Variants in NIPBL observed in about 807,000 individuals in gnomAD.
NIPBL encodes nipped-B-like protein.
NIPBL carries 19 observed loss-of-function variants against 321.8 expected under a neutral mutation model. The observed-to-expected ratio is 0.06, with a 90% CI of 0.04 to 0.09. The LOEUF (loss-of-function observed/expected upper bound fraction) is 0.09, where lower values mean the gene tolerates loss of function less well. Among genes scored for constraint, NIPBL ranks in the 10% least tolerant of loss-of-function variants. The pLI is 1.00. For synonymous variants in NIPBL, 1,106 were observed against 1,114.1 expected, an observed-to-expected ratio of 0.99 and a Z score of 0.14; for missense variants, 2,210 against 3,327.0, an observed-to-expected ratio of 0.66 and a Z score of 8.26.
intron 30 of NIPBL, 101 bp from the exon 31 acceptor site, chr5:37,026,128 T>C: frequency 2.9e-6 from 2 of 681,606 alleles, no homozygotes; most frequent in South Asian, 1.7e-5. Flanking sequence ...TGTGTTTTGA[T>C]TAGTTATTTA....
chr5:36,954,007 T>C (rs1403414210), intron 2 of NIPBL, among the ~76,000 whole-genome samples: 4 of 152,216 alleles, frequency 2.6e-5, no homozygotes, highest in African/African-American at 9.6e-5. Flanking sequence ...TATTTTACTC[T>C]AAGGACTTAA....
intron 1 of NIPBL, among the ~76,000 whole-genome samples, chr5:36,944,777 T>C (rs1739478358): frequency 6.6e-6 from 1 of 152,228 alleles, no homozygotes; most frequent in South Asian, 2.1e-4. Context: ...TTTTCTCACT[T>C]ATTTACATAA....
intron 1 of NIPBL, among the ~76,000 whole-genome samples, chr5:36,905,145 C>CA (rs943700012): frequency 2.6e-5 from 4 of 151,066 alleles, no homozygotes; most frequent in Non-Finnish European, 4.4e-5. Context: ...GTAAATTGGC[C>CA]AAAAAAAATT....
chr5:36,932,049 A>G lies in NIPBL; in HGVS notation c.-79-21569A>G, dbSNP rs555908197. ...TCTCTCATGATTTCTTCTTTGACCC[A>G]TTGATTTTCTCAGATTTCTTTCGGT... On this transcript the variant is annotated intron_variant, in intron 1 of 46. Coordinates refer to ENST00000282516, the MANE Select transcript of NIPBL (RefSeq NM_133433.4). 3.3e-5 allele frequency among the ~76,000 whole-genome samples: 5 copies of G among 152,148 alleles called. No individual in the cohort carries two copies. The South Asian group carries it at 1.0e-3, about 32-fold the overall frequency.
In NIPBL at chr5:36,938,754, GCTT is replaced by G. The variant is rs765312742; in HGVS notation, c.-79-14861_-79-14859del. ...AAGTATACAAGGAGGTCGTCACCCA[GCTT>G]CTCACAATAATACAATTTTACATAA... On this transcript the variant is annotated intron_variant, in intron 1 of 46. Coordinates refer to ENST00000282516, the MANE Select transcript of NIPBL (RefSeq NM_133433.4). 2.6e-5 allele frequency among the ~76,000 whole-genome samples: 4 copies of G among 152,236 alleles called. No homozygotes were observed. The South Asian group carries it at 8.3e-4, about 32-fold the overall frequency.
chr5:37,050,736 A>G (rs1173278992), intron 40 of NIPBL, among the ~76,000 whole-genome samples: 1 of 152,224 alleles, frequency 6.6e-6, no homozygotes, highest in African/African-American at 2.4e-5. Context: ...ATAATCATTA[A>G]ATTTGGGAAG....
intron 32 of NIPBL, among the ~76,000 whole-genome samples, chr5:37,031,270 G>A (rs1750989677): frequency 6.6e-6 from 1 of 152,172 alleles, no homozygotes; most frequent in Non-Finnish European, 1.5e-5. Flanking sequence ...ATAGGCGCAA[G>A]CCACCGTGCC....
At position 37,002,648 on chromosome 5, in the gene NIPBL, G is replaced by C. The variant is rs371007362; in HGVS notation, c.3665-14G>C. ...CCTAAACTTTGTTTGTGTTTGTTTG[G>C]CTTGATTTTGCAGGTGATGATGATG... On this transcript the variant is annotated splice_polypyrimidine_tract_variant and intron_variant, in intron 14 of 46. Coordinates refer to ENST00000282516, the MANE Select transcript of NIPBL (RefSeq NM_133433.4). 9 of 1,528,266 alleles carry C rather than the reference G, an allele frequency of 5.9e-6. No individual in the cohort carries two copies. In the African/African-American group the frequency reaches 1.2e-4, roughly 21 times the overall value. 94.7% of individuals were successfully genotyped at this position (1,528,266 alleles called of 1,614,324 possible).
rs1031417413 is a variant in NIPBL, at chr5:37,038,681, C to G, written c.6051C>G (p.Pro2017=). The change falls in exon 34 of 47, where the codon CCC becomes CCG. Residue 2017 remains proline (P), a synonymous_variant. Transcript: ENST00000282516. ...TTLFLFSKIR[P]QLMVKHAMTM... Reference sequence around the variant, plus strand: ...TGTTCTTATTCAGCAAAATAAGACCCCAGCTCATGGTTAAACATGCAATGA... The same window carrying G: ...TGTTCTTATTCAGCAAAATAAGACCGCAGCTCATGGTTAAACATGCAATGA... The G allele has an allele frequency of 2.5e-6, 4 of 1,613,600 alleles. No individual in the cohort carries two copies. In the Admixed American group the frequency reaches 5.0e-5, roughly 20 times the overall value.
At chr5:37,013,998 G>A (rs1748592072) in intron 21 of NIPBL, among the ~76,000 whole-genome samples, 1 of 152,228 alleles carries the variant, frequency 6.6e-6, no homozygotes, top group African/African-American at 2.4e-5. Context: ...TCGCGGTTAG[G>A]AGCTGGAGAC....
intron 34 of NIPBL, among the ~76,000 whole-genome samples, chr5:37,042,915 A>G (rs1220289979): frequency 2.0e-5 from 3 of 151,666 alleles, no homozygotes; most frequent in African/African-American, 2.4e-5. Context: ...ACACACACAC[A>G]CACACACATA....
chr5:37,039,258 C>T (rs1224310718), intron 34 of NIPBL, among the ~76,000 whole-genome samples: 7 of 150,982 alleles, frequency 4.6e-5, no homozygotes. Context: ...TGTTGATATG[C>T]TTTATATTTT....
chr5:36,890,944 A>C (rs1580156087), intron 1 of NIPBL, among the ~76,000 whole-genome samples: 1 of 152,080 alleles, frequency 6.6e-6, no homozygotes, highest in South Asian at 2.1e-4. Flanking sequence ...TTTTCTCAGG[A>C]GCTATTAAGG....
At chr5:37,033,200 A>G (rs1751266279) in intron 32 of NIPBL, among the ~76,000 whole-genome samples, 1 of 152,162 alleles carries the variant, frequency 6.6e-6, no homozygotes, top group Non-Finnish European at 1.5e-5. Context: ...ATAATGCAAA[A>G]TGGGAAACTG....
intron 1 of NIPBL, among the ~76,000 whole-genome samples, chr5:36,922,445 C>A (rs1345056945): frequency 6.6e-6 from 1 of 151,896 alleles, no homozygotes; most frequent in Non-Finnish European, 1.5e-5. Context: ...ATTTTGAGTC[C>A]TTAAGAGCCA....
intron 45 of NIPBL, 96 bp downstream of exon 45, chr5:37,061,114 T>G (rs528135741): frequency 1.2e-6 from 1 of 848,480 alleles, no homozygotes; most frequent in East Asian, 2.5e-5. Context: ...TCCTTCACAT[T>G]GAATATAAGC....
chr5:36,923,059 C>T (rs71617773), intron 1 of NIPBL, among the ~76,000 whole-genome samples: 141 of 152,166 alleles, frequency 9.3e-4, no homozygotes, highest in Non-Finnish European at 1.5e-3. Flanking sequence ...GAGGCCGAGG[C>T]GGGCGGATCA....
intron 32 of NIPBL, among the ~76,000 whole-genome samples, chr5:37,030,785 C>T (rs1406463982): frequency 1.3e-5 from 2 of 151,462 alleles, no homozygotes; most frequent in African/African-American, 2.4e-5. Flanking sequence ...GACAGGGTCT[C>T]GCTGTGTCAT....
intron 21 of NIPBL, among the ~76,000 whole-genome samples, chr5:37,014,205 GGGAGAGGGAGACCGT>G (rs895471462): frequency 6.6e-6 from 1 of 151,762 alleles, no homozygotes; most frequent in South Asian, 2.1e-4. Context: ...TGGAAAGAGA[GGGAGAGGGAGACCGT>G]GGAGAGGGAG....
Sources: gnomAD v4.1 joint callset for allele counts (sites outside exome capture counted in the v4.1 genomes callset) on GRCh38, gnomAD v4.1.1 for gene constraint, MANE v1.5 for transcripts, NCBI Gene and HGNC (gene_info 2026-07-23, HGNC 2026-07-21) for gene names.